HDAC4: variants seen among roughly 807,000 people sequenced by gnomAD.
The protein encoded by HDAC4 is histone deacetylase A.
HDAC4 carries 16 observed loss-of-function variants against 135.1 expected under a neutral mutation model. The ratio of observed to expected loss-of-function variants is 0.12; its 90% confidence interval spans 0.08 to 0.18. The LOEUF is 0.18. HDAC4 is among the 10% of genes least tolerant of loss of function. HDAC4 has a pLI of 1.00. For synonymous variants in HDAC4, 685 were observed against 653.4 expected, an observed-to-expected ratio of 1.05 and a Z score of -0.74; for missense variants, 1,143 against 1,511.8, an observed-to-expected ratio of 0.76 and a Z score of 4.05.
chr2:239,315,903 A>G (rs984568543), intron 2 of HDAC4, among the ~76,000 whole-genome samples: 11 of 152,328 alleles, frequency 7.2e-5, no homozygotes, highest in Admixed American at 7.2e-4. Flanking sequence ...ACATGGAGGA[A>G]AAACCTTTTA....
intron 2 of HDAC4, among the ~76,000 whole-genome samples, chr2:239,301,781 T>C (rs1447971799): frequency 6.6e-6 from 1 of 152,174 alleles, no homozygotes. Flanking sequence ...ACTGTAGGCC[T>C]ATTTCTTTCT....
rs6739632 is a variant in HDAC4, at chr2:239,285,324, A to G, written c.23-48660T>C. Among the ~76,000 whole-genome samples, 45,284 of 152,150 alleles carry G rather than the reference A, an allele frequency of 0.3. 7,227 individuals are homozygous for G. Among genetic ancestry groups the G allele is most frequent in the African/African-American group, 0.41 (17,212 of 41,502 alleles). On this transcript the variant is annotated intron_variant, in intron 2 of 26. Coordinates refer to ENST00000543185, the MANE Select transcript of HDAC4 (RefSeq NM_001378414.1). This position sits in a 1 kb window ranked among gnomAD's most constrained non-coding sequence, Gnocchi z 4.5. Reference sequence around the variant, plus strand: ...AGAACGCGCCGCGGCTGGGCCCCCAAGTTCGCGGCTGTGCAGCGTGGCCAG... The same window carrying G: ...AGAACGCGCCGCGGCTGGGCCCCCAGGTTCGCGGCTGTGCAGCGTGGCCAG...
At position 239,093,059 on chromosome 2, in the gene HDAC4, G is replaced by A. The variant is rs971785573; in HGVS notation, c.2280+1951C>T. 7.2e-5 allele frequency among the ~76,000 whole-genome samples: 11 copies of A among 152,286 alleles called. No individual in the cohort carries two copies. The South Asian group carries it at 8.3e-4, about 11-fold the overall frequency. On this transcript the variant is annotated intron_variant, in intron 17 of 26. Coordinates refer to ENST00000543185, the MANE Select transcript of HDAC4 (RefSeq NM_001378414.1). ...AAGCTCAGAGGAGCCGCGGGGAGCC[G>A]GGCGTACGAGAGCAGGCCAGGACTC...
chr2:239,090,162 G>T, intron 17 of HDAC4, 46 bp from the exon 18 acceptor site: 2 of 1,359,986 alleles, frequency 1.5e-6, no homozygotes, highest in Middle Eastern at 1.8e-4. Context: ...CCAGGCCACC[G>T]TCATCACCAG....
chr2:239,072,163 G>A (rs1281402219), intron 22 of HDAC4, among the ~76,000 whole-genome samples: 3 of 152,134 alleles, frequency 2.0e-5, no homozygotes, highest in South Asian at 2.1e-4. Flanking sequence ...CAGAATTCAC[G>A]TTGCTCTGAG....
intron 1 of HDAC4, among the ~76,000 whole-genome samples, chr2:239,356,875 T>G (rs1693522444): frequency 6.6e-6 from 1 of 151,826 alleles, no homozygotes; most frequent in Non-Finnish European, 1.5e-5. Flanking sequence ...TAAAATAAAA[T>G]AATAATATAA....
chr2:239,118,806 C>CA (rs1233747363), intron 12 of HDAC4, among the ~76,000 whole-genome samples: 2 of 152,160 alleles, frequency 1.3e-5, no homozygotes, highest in African/African-American at 4.8e-5. Flanking sequence ...TTTGCTCTGA[C>CA]AGGTTTCTCA....
intron 13 of HDAC4, among the ~76,000 whole-genome samples, chr2:239,113,467 T>C (rs1249503663): frequency 1.3e-5 from 2 of 152,208 alleles, no homozygotes; most frequent in Admixed American, 6.5e-5. Flanking sequence ...GTGCCCCGCC[T>C]TATGTTTACC....
In HDAC4 at chr2:239,306,794, C is replaced by G. The variant is rs1478733460; in HGVS notation, c.22+45884G>C. Among the ~76,000 whole-genome samples the G allele has an allele frequency of 6.6e-6, 1 of 152,114 alleles. No homozygotes were observed. Among genetic ancestry groups the G allele is most frequent in the Non-Finnish European group, 1.5e-5 (1 of 68,010 alleles). On this transcript the variant is annotated intron_variant, in intron 2 of 26. Coordinates refer to ENST00000543185, the MANE Select transcript of HDAC4 (RefSeq NM_001378414.1). This position sits in a 1 kb window ranked among gnomAD's most constrained non-coding sequence, Gnocchi z 4.5. ...GCAGGACCCCACCCCAGCCAACAAC[C>G]GGGAGACCCTGGCCTGGTTTCCCAC...
intron 1 of HDAC4, among the ~76,000 whole-genome samples, chr2:239,391,387 C>T (rs1335510047): frequency 6.6e-6 from 1 of 152,188 alleles, no homozygotes; most frequent in Non-Finnish European, 1.5e-5. Context: ...GCTGCAGAGA[C>T]ACCCTGAGCA....
chr2:239,373,784 T>C (rs1249629967), intron 1 of HDAC4, among the ~76,000 whole-genome samples: 4 of 152,232 alleles, frequency 2.6e-5, no homozygotes, highest in Non-Finnish European at 5.9e-5. Context: ...TGCTAATATC[T>C]TTATCCACTC....
intron 15 of HDAC4, among the ~76,000 whole-genome samples, chr2:239,106,456 C>G (rs994267788): frequency 1.3e-5 from 2 of 152,092 alleles, no homozygotes; most frequent in Admixed American, 1.3e-4. Context: ...AGGGAAGGGA[C>G]GTGGGGAAGG....
intron 2 of HDAC4, among the ~76,000 whole-genome samples, chr2:239,310,155 G>C (rs1290629265): frequency 6.6e-6 from 1 of 152,230 alleles, no homozygotes; most frequent in Non-Finnish European, 1.5e-5. Context: ...TTCAGCCTTG[G>C]AGTGAACCGT....
intron 2 of HDAC4, among the ~76,000 whole-genome samples, chr2:239,300,396 C>T (rs1457092528): frequency 6.6e-6 from 1 of 152,166 alleles, no homozygotes; most frequent in Non-Finnish European, 1.5e-5. Context: ...CCACACCATC[C>T]ATGTGTTGAT....
At position 239,178,752 on chromosome 2, in the gene HDAC4, G is replaced by C. The variant is rs1376111543; in HGVS notation, c.340-2189C>G. Among the ~76,000 whole-genome samples the C allele has an allele frequency of 2.0e-5, 3 of 152,310 alleles. No individual in the cohort carries two copies. The South Asian group carries it at 6.2e-4, about 32-fold the overall frequency. ...AAGAGGGGACGGTGAGAGGGTACGGGATAAGCAGGCATCCTGGCAACCAGA... is the reference window on the plus strand; with the variant it reads ...AAGAGGGGACGGTGAGAGGGTACGGCATAAGCAGGCATCCTGGCAACCAGA... On this transcript the variant is annotated intron_variant, in intron 4 of 26. Coordinates refer to ENST00000543185, the MANE Select transcript of HDAC4 (RefSeq NM_001378414.1).
At position 239,231,992 on chromosome 2, in the gene HDAC4, G is replaced by A. The variant is rs565947804; in HGVS notation, c.94+4601C>T. ...GATGCCTGAGGTAGGCGTCCTCCCC[G>A]AAGCGCCCCTGTCCTCAATCGAGGC... On this transcript the variant is annotated intron_variant, in intron 3 of 26. Coordinates refer to ENST00000543185, the MANE Select transcript of HDAC4 (RefSeq NM_001378414.1). Among the ~76,000 whole-genome samples the A allele has an allele frequency of 4.9e-4, 58 of 119,262 alleles. 1 individual carries two copies. The highest frequency in any genetic ancestry group is 3.3e-3 in the East Asian group (14 of 4,182). The allele number at this position is 119,262 out of a possible 152,430, so 78.2% of individuals were successfully genotyped here.
intron 12 of HDAC4, among the ~76,000 whole-genome samples, chr2:239,121,555 T>C (rs2039694299): frequency 6.6e-6 from 1 of 152,218 alleles, no homozygotes; most frequent in East Asian, 1.9e-4. Flanking sequence ...CGCATCTCTT[T>C]AGTGTCCTTT....
At chr2:239,151,338 C>T (rs544700849) in intron 7 of HDAC4, among the ~76,000 whole-genome samples, 15 of 152,300 alleles carry the variant, frequency 9.8e-5, no homozygotes, top group African/African-American at 3.6e-4. Flanking sequence ...TCTAGTCTGC[C>T]CAGGATATGG....
Position 239,066,859 on chromosome 2 carries a change from C to T in HDAC4, c.2870-4G>A. 1 of 1,612,394 alleles carries T rather than the reference C, an allele frequency of 6.2e-7. No homozygotes were observed. Among genetic ancestry groups the T allele is most frequent in the East Asian group, 2.2e-5 (1 of 44,860 alleles). ...TGCTTCGTCAGGTACCCGAAGCCTG[C>T]AACGGGAAACGGGAGACTGCAGTGT... On this transcript the variant is annotated splice_region_variant and splice_polypyrimidine_tract_variant and intron_variant, in intron 23 of 26. Coordinates refer to ENST00000543185, the MANE Select transcript of HDAC4 (RefSeq NM_001378414.1).
Sources: gnomAD v4.1 joint callset for allele counts (sites outside exome capture counted in the v4.1 genomes callset) on GRCh38, gnomAD v4.1.1 for gene constraint, Gnocchi (gnomAD v3.1) non-coding constraint, MANE v1.5 for transcripts, NCBI Gene and HGNC (gene_info 2026-07-23, HGNC 2026-07-21) for gene names.